The following SLC33A2 variants were observed in gnomAD, a reference collection of about 807,000 sequenced individuals.
The protein encoded by SLC33A2 is solute carrier family 33 member 2, also known as major facilitator superfamily domain containing 3.
At chr8:144,509,633 T>C in the SLC33A2 span, 19 of 1,535,876 alleles carry the variant, frequency 1.2e-5, no homozygotes, top group Middle Eastern at 1.7e-4. Flanking sequence ...TGCCCGCCGC[T>C]GTGGCGGGGT....
At chr8:144,510,626 C>T in the SLC33A2 span, 1 of 1,570,068 alleles carries the variant, frequency 6.4e-7, no homozygotes, top group Non-Finnish European at 8.7e-7. Context: ...GAGGTCGGTG[C>T]TGCGCTTCCG....
the SLC33A2 span, chr8:144,510,558 C>G: frequency 4.0e-5 from 65 of 1,610,326 alleles, no homozygotes; most frequent in Non-Finnish European, 5.2e-5. Flanking sequence ...TGAGCTGCCC[C>G]CAATCCACTA....
the SLC33A2 span, chr8:144,510,399 TG>T: frequency 6.2e-7 from 1 of 1,612,778 alleles, no homozygotes; most frequent in South Asian, 1.1e-5. Flanking sequence ...CTTCTCCTGC[TG>T]GACCACGGCG....
the SLC33A2 span, chr8:144,511,138 G>A: frequency 1.8e-3 from 2,833 of 1,610,524 alleles, 6 homozygotes; most frequent in Middle Eastern, 0.014. Context: ...TCTGTACCTG[G>A]ACCTAGCACC....
the SLC33A2 span, chr8:144,509,765 G>A: frequency 1.3e-6 from 2 of 1,559,992 alleles, no homozygotes; most frequent in African/African-American, 1.4e-5. Context: ...TCGCGTACAA[G>A]CTGGGGGCCG....
chr8:144,509,713 T>G, the SLC33A2 span: 1 of 1,567,864 alleles, frequency 6.4e-7, no homozygotes, highest in East Asian at 2.4e-5. Context: ...GTGCAGCTGC[T>G]GGAGCCGGCC....
the SLC33A2 span, chr8:144,510,349 C>G: frequency 1.9e-6 from 3 of 1,611,354 alleles, no homozygotes; most frequent in African/African-American, 1.3e-5. Context: ...ATGCCCCCCC[C>G]ACCACCCAAG....
chr8:144,510,440 G>A, the SLC33A2 span: 1 of 1,612,924 alleles, frequency 6.2e-7, no homozygotes, highest in South Asian at 1.1e-5. Flanking sequence ...ACTGTGGAAT[G>A]GTGTGGGTGC....
the SLC33A2 span, chr8:144,509,956 A>G: frequency 1.3e-6 from 2 of 1,595,156 alleles, no homozygotes; most frequent in Non-Finnish European, 1.7e-6. Context: ...CTTCTGCGGG[A>G]CGTGCTAGCC....
the SLC33A2 span, chr8:144,509,275 G>C: frequency 7.7e-5 from 109 of 1,411,740 alleles, 1 homozygote; most frequent in Non-Finnish European, 9.9e-5. Context: ...AGGGGACCTC[G>C]CCTTGCGGGA....
At chr8:144,509,855 C>T in the SLC33A2 span, 2 of 1,538,380 alleles carry the variant, frequency 1.3e-6, no homozygotes, top group Non-Finnish European at 1.7e-6. Flanking sequence ...CTGCCACCTA[C>T]TGGCTGGCCG....
chr8:144,509,361 G>A, the SLC33A2 span: 1 of 1,476,508 alleles, frequency 6.8e-7, no homozygotes, highest in East Asian at 2.6e-5. Flanking sequence ...GCCGCTGGCC[G>A]GCCTCTACCT....
chr8:144,510,481 G>A, the SLC33A2 span: 4 of 1,612,748 alleles, frequency 2.5e-6, no homozygotes, highest in South Asian at 3.3e-5. Context: ...GCTCCTCCCT[G>A]GGTGGGACCT....
chr8:144,510,303 A>C, the SLC33A2 span: 1 of 1,599,958 alleles, frequency 6.3e-7, no homozygotes, highest in Non-Finnish European at 8.5e-7. Flanking sequence ...GGTGGGGAGA[A>C]GGGAGGTGGG....
the SLC33A2 span, chr8:144,509,995 T>C: frequency 6.3e-7 from 1 of 1,595,812 alleles, no homozygotes. Flanking sequence ...ACGGCAGGCT[T>C]TGTGCTCACC....
chr8:144,510,074 T>C, the SLC33A2 span: 1 of 1,540,402 alleles, frequency 6.5e-7, no homozygotes, highest in Non-Finnish European at 8.7e-7. Context: ...GCTCCAGGTG[T>C]GTCCCCAGGG....
the SLC33A2 span, chr8:144,509,448 C>T: frequency 6.5e-7 from 1 of 1,534,024 alleles, no homozygotes; most frequent in Non-Finnish European, 8.7e-7. Context: ...CTCGCTGACG[C>T]GCGTGGGGCT....
chr8:144,511,030 G>T, the SLC33A2 span: 1 of 1,603,904 alleles, frequency 6.2e-7, no homozygotes, highest in African/African-American at 1.3e-5. Flanking sequence ...GGAGCTGCTG[G>T]GGAAGCTGCT....
the SLC33A2 span, chr8:144,509,563 TG>T: frequency 6.6e-7 from 1 of 1,519,186 alleles, no homozygotes. Flanking sequence ...ACGGCGGGCC[TG>T]GGCCTGGTGT....
Sources: allele counts gnomAD v4.1 joint callset, GRCh38; gene constraint gnomAD v4.1.1; transcripts MANE v1.5; gene names NCBI Gene and HGNC (gene_info 2026-07-23, HGNC 2026-07-21).